Variants in FAM135B observed in about 807,000 individuals in gnomAD.
FAM135B encodes the protein family with sequence similarity 135 member B.
FAM135B carries 43 observed loss-of-function variants against 127.7 expected under a neutral mutation model. The ratio of observed to expected loss-of-function variants is 0.34; its 90% CI spans 0.26 to 0.43. The LOEUF is 0.43. Ranked by LOEUF, FAM135B falls within the 20% of genes least tolerant of loss-of-function variation. The pLI is 1.00. For synonymous variants in FAM135B, 670 were observed against 665.1 expected (o/e 1.01, Z -0.11); for missense variants, 1,558 against 1,725.6 (o/e 0.90, Z 1.72).
chr8:138,282,906 G>A (rs1019968012), intron 3 of FAM135B, among the ~76,000 whole-genome samples: 6 of 152,084 alleles, frequency 3.9e-5, no homozygotes, highest in Non-Finnish European at 7.4e-5. Flanking sequence ...TTTGTTTTTT[G>A]TTTGTTTGTT....
At chr8:138,370,110 T>A (rs1831020008) in intron 1 of FAM135B, among the ~76,000 whole-genome samples, 1 of 152,178 alleles carries the variant, frequency 6.6e-6, no homozygotes, top group Non-Finnish European at 1.5e-5. Context: ...AGTGGTGCTG[T>A]TCAGGCAAAG....
chr8:138,289,821 T>C (rs1824968312), intron 3 of FAM135B, among the ~76,000 whole-genome samples: 1 of 152,098 alleles, frequency 6.6e-6, no homozygotes, highest in Admixed American at 6.5e-5. Context: ...AAAAGGGACT[T>C]TTGTTGTTGT....
chr8:138,379,400 G>A (rs772213910), intron 1 of FAM135B, among the ~76,000 whole-genome samples: 1 of 151,932 alleles, frequency 6.6e-6, no homozygotes, highest in Non-Finnish European at 1.5e-5. Flanking sequence ...GTAACATTAT[G>A]GCTTTTCAAT....
intron 2 of FAM135B, among the ~76,000 whole-genome samples, chr8:138,320,511 C>T (rs75243732): frequency 0.032 from 4,801 of 152,264 alleles, 217 homozygotes; most frequent in African/African-American, 0.1. Context: ...TTTCTAATAT[C>T]GTCTCTCGTT....
chr8:138,266,529 C>T (rs1167406880), intron 3 of FAM135B, among the ~76,000 whole-genome samples: 1 of 151,710 alleles, frequency 6.6e-6, no homozygotes, highest in East Asian at 1.9e-4. Context: ...GGGTGAACTC[C>T]TCCAAATTAC....
chr8:138,344,239 T>C (rs1195427812), intron 2 of FAM135B, among the ~76,000 whole-genome samples: 1 of 152,216 alleles, frequency 6.6e-6, no homozygotes, highest in Non-Finnish European at 1.5e-5. Context: ...ATGTCAAGAA[T>C]GACTCTGGGG....
chr8:138,467,122 G>A (rs761351040), intron 1 of FAM135B, among the ~76,000 whole-genome samples: 1 of 152,148 alleles, frequency 6.6e-6, no homozygotes, highest in Non-Finnish European at 1.5e-5. Flanking sequence ...CCAGAAATAC[G>A]ATTGGAAGAT....
intron 1 of FAM135B, among the ~76,000 whole-genome samples, chr8:138,481,933 A>G (rs770118997): frequency 7.9e-5 from 12 of 152,210 alleles, no homozygotes; most frequent in Non-Finnish European, 1.8e-4. Context: ...ATTAGATGGG[A>G]GTACAAGATA....
At chr8:138,495,882 C>A (rs925245612) in intron 1 of FAM135B, among the ~76,000 whole-genome samples, 9 of 152,122 alleles carry the variant, frequency 5.9e-5, no homozygotes, top group African/African-American at 2.2e-4. Context: ...GTGTCTCCAG[C>A]TGTCTGAAAG....
At chr8:138,482,044 C>T (rs561761994) in intron 1 of FAM135B, among the ~76,000 whole-genome samples, 122 of 152,286 alleles carry the variant, frequency 8.0e-4, no homozygotes, top group Non-Finnish European at 1.2e-3. Flanking sequence ...GCTACATTGT[C>T]AGCACATAGG....
At chr8:138,461,593 G>C (rs1027731473) in intron 1 of FAM135B, among the ~76,000 whole-genome samples, 14 of 152,312 alleles carry the variant, frequency 9.2e-5, no homozygotes, top group African/African-American at 3.1e-4. Context: ...TGTAGAGCTA[G>C]CTATTTAGCA....
intron 5 of FAM135B, among the ~76,000 whole-genome samples, 197 bp downstream of exon 5, chr8:138,256,488 CCTGA>C (rs1822097026): frequency 6.6e-6 from 1 of 152,098 alleles, no homozygotes; most frequent in Non-Finnish European, 1.5e-5. Context: ...ATTTGAGCTG[CCTGA>C]CTAAAACGTA....
Position 138,135,882 on chromosome 8 carries a change from A to G in FAM135B, c.4015+1265T>C, listed in dbSNP as rs926804489. On this transcript the variant is annotated intron_variant, in intron 19 of 19. Coordinates refer to ENST00000395297, the MANE Select transcript of FAM135B (RefSeq NM_015912.4). Reference sequence around the variant, plus strand: ...ATTTTATTAACATGGACAAATAACTATATTACTCTAAATCAAATCATGACA... The same window carrying G: ...ATTTTATTAACATGGACAAATAACTGTATTACTCTAAATCAAATCATGACA... 2.6e-5 allele frequency among the ~76,000 whole-genome samples: 4 copies of G among 152,160 alleles called. No individual in the cohort carries two copies. In the South Asian group the frequency reaches 6.2e-4, roughly 24 times the overall value.
At chr8:138,370,474 T>C (rs1255280523) in intron 1 of FAM135B, among the ~76,000 whole-genome samples, 1 of 152,108 alleles carries the variant, frequency 6.6e-6, no homozygotes, top group Non-Finnish European at 1.5e-5. Flanking sequence ...GTTTTTGAGA[T>C]GGAGTCTCGC....
In FAM135B at chr8:138,446,657, A is replaced by G. The variant is rs1293987363; in HGVS notation, c.-20+50014T>C. ...TACACCTTATACAAAAATTAATTCA[A>G]GATGGATTAAAGACTTACATGTTAG... On this transcript the variant is annotated intron_variant, in intron 1 of 19. Transcript: ENST00000395297. Among the ~76,000 whole-genome samples the G allele has an allele frequency of 2.0e-5, 3 of 152,146 alleles. No homozygotes were observed. In the East Asian group the frequency reaches 5.8e-4, roughly 29 times the overall value.
chr8:138,260,889 T>C (rs1337748364), intron 4 of FAM135B, among the ~76,000 whole-genome samples: 4 of 152,146 alleles, frequency 2.6e-5, no homozygotes, highest in Non-Finnish European at 5.9e-5. Flanking sequence ...AGGAAAAATA[T>C]GACCTTTGGC....
chr8:138,286,501 G>A (rs1262493950), intron 3 of FAM135B, among the ~76,000 whole-genome samples: 1 of 152,178 alleles, frequency 6.6e-6, no homozygotes, highest in Non-Finnish European at 1.5e-5. Context: ...CAGAAAGCTT[G>A]GTATAGATTC....
At chr8:138,297,233 T>C (rs905669145) in intron 3 of FAM135B, among the ~76,000 whole-genome samples, 7 of 152,296 alleles carry the variant, frequency 4.6e-5, no homozygotes, top group Admixed American at 6.5e-5. Context: ...TCCATGACGG[T>C]GAGAAGGACA....
At chr8:138,332,989 A>G (rs1342338334) in intron 2 of FAM135B, among the ~76,000 whole-genome samples, 32 of 151,792 alleles carry the variant, frequency 2.1e-4, no homozygotes, top group African/African-American at 4.8e-5. Context: ...AAGCGCACAC[A>G]CACACACACA....
Sources: gnomAD v4.1 joint callset for allele counts (sites outside exome capture counted in the v4.1 genomes callset) on GRCh38, gnomAD v4.1.1 for gene constraint, MANE v1.5 for transcripts, NCBI Gene and HGNC (gene_info 2026-07-23, HGNC 2026-07-21) for gene names.